The following ZNF609 variants were observed in gnomAD, a reference collection of about 807,000 sequenced individuals.
ZNF609 encodes the protein zinc finger protein 609.
Under a neutral mutation model 109.5 loss-of-function variants are expected in ZNF609, and 11 were observed. The ratio of observed to expected loss-of-function variants is 0.10; its 90% CI spans 0.06 to 0.17. ZNF609 has a LOEUF of 0.17. Ranked by LOEUF, ZNF609 falls within the 10% of genes least tolerant of loss-of-function variation. The pLI is 1.00. For synonymous variants in ZNF609, 646 were observed against 662.0 expected (o/e 0.98, Z 0.37); for missense variants, 1,559 against 1,772.4 (o/e 0.88, Z 2.16).
chr15:64,495,233 A>G (rs1477813552), intron 1 of ZNF609, among the ~76,000 whole-genome samples: 4 of 152,240 alleles, frequency 2.6e-5, no homozygotes, highest in African/African-American at 9.6e-5. Context: ...GAGGTACATT[A>G]TCAAAGTACT....
intron 2 of ZNF609, among the ~76,000 whole-genome samples, chr15:64,595,068 A>G (rs1166541031): frequency 6.6e-6 from 1 of 150,832 alleles, no homozygotes; most frequent in Non-Finnish European, 1.5e-5. Context: ...CTGTGAGTTT[A>G]TAAAATTTGG....
At chr15:64,677,329 C>G (rs1896822776) in intron 5 of ZNF609, among the ~76,000 whole-genome samples, 1 of 152,194 alleles carries the variant, frequency 6.6e-6, no homozygotes, top group Admixed American at 6.5e-5. Flanking sequence ...TCCCAAAGCA[C>G]AGGGATTCAT....
At chr15:64,580,539 T>TTCTTC (rs1567020382) in intron 2 of ZNF609, among the ~76,000 whole-genome samples, 1 of 68,920 alleles carries the variant, frequency 1.5e-5, no homozygotes, top group Non-Finnish European at 3.9e-5. Context: ...CTCAGTTCTT[T>TTCTTC]TCTTTTCTTT....
rs1336512746 is a variant in ZNF609, at chr15:64,682,447, G to A, written c.*761G>A. 1 of 152,728 alleles carries A rather than the reference G, an allele frequency of 6.5e-6. No homozygotes were observed. Among genetic ancestry groups the A allele is most frequent in the Non-Finnish European group, 1.5e-5 (1 of 68,078 alleles). The allele number at this position is 152,728 out of a possible 1,614,324, so 9.5% of individuals were successfully genotyped here. A position where few individuals can be genotyped will look rare whatever the true frequency, so the allele number is the denominator to read the frequency against. On this transcript the variant is annotated 3_prime_UTR_variant, in exon 10 of 10. Coordinates refer to ENST00000326648, the MANE Select transcript of ZNF609 (RefSeq NM_015042.2). The stretch of plus-strand genomic sequence containing the variant: ...CCCCAGGGACACTGGGAGCAAGCTG[G>A]TGCTGGAGCATGAATGACGTCTGTG...
intron 1 of ZNF609, among the ~76,000 whole-genome samples, chr15:64,489,726 C>A (rs1363699862): frequency 6.6e-6 from 1 of 151,546 alleles, no homozygotes; most frequent in East Asian, 2.0e-4. Flanking sequence ...GACAGTTTCC[C>A]CATGTTGGCT....
chr15:64,670,441 C>G lies in ZNF609; in HGVS notation c.1061+8C>G, dbSNP rs1289694669. On this transcript the variant is annotated splice_region_variant and intron_variant, in intron 4 of 9. Transcript: ENST00000326648. Reference sequence around the variant, plus strand: ...TGATTGGGCACCCCCAAGGTAAGCACTTACAGCTATTTAGTTTATATTATT... The same window carrying G: ...TGATTGGGCACCCCCAAGGTAAGCAGTTACAGCTATTTAGTTTATATTATT... 6.2e-7 allele frequency: 1 copy of G among 1,611,024 alleles called. No individual in the cohort carries two copies. The highest frequency in any genetic ancestry group is 8.5e-7 in the Non-Finnish European group (1 of 1,177,106).
At chr15:64,646,816 T>TACTCGGGA (rs1896342451) in intron 3 of ZNF609, among the ~76,000 whole-genome samples, 2 of 151,028 alleles carry the variant, frequency 1.3e-5, no homozygotes, top group South Asian at 4.2e-4. Flanking sequence ...GGCGCATGCC[T>TACTCGGGA]GTAGTACCAG....
At chr15:64,523,585 G>A (rs1050056556) in intron 2 of ZNF609, among the ~76,000 whole-genome samples, 2 of 151,974 alleles carry the variant, frequency 1.3e-5, no homozygotes, top group Non-Finnish European at 1.5e-5. Flanking sequence ...GGCCAACATC[G>A]TGAAACCCTG....
At chr15:64,557,116 G>A (rs1284315290) in intron 2 of ZNF609, among the ~76,000 whole-genome samples, 1 of 151,766 alleles carries the variant, frequency 6.6e-6, no homozygotes, top group Admixed American at 6.6e-5. Flanking sequence ...GATTTGGTAT[G>A]TCACATATTA....
At position 64,683,834 on chromosome 15, in the gene ZNF609, C is replaced by G. The variant is rs2083225650; in HGVS notation, c.*2148C>G. 1 of 152,186 alleles carries G rather than the reference C, an allele frequency of 6.6e-6. No homozygotes were observed. The highest frequency in any genetic ancestry group is 2.4e-5 in the African/African-American group (1 of 41,440). 9.4% of individuals were successfully genotyped at this position (152,186 alleles called of 1,614,324 possible). Reference sequence around the variant, plus strand: ...ATACTCTGTATATATTGTAAAGAAACCGTTAGGAGTAATTTTCTTTTGCAT... The same window carrying G: ...ATACTCTGTATATATTGTAAAGAAAGCGTTAGGAGTAATTTTCTTTTGCAT... On this transcript the variant is annotated 3_prime_UTR_variant, in exon 10 of 10. Transcript: ENST00000326648.
At chr15:64,498,109 G>T (rs1893510002) in intron 1 of ZNF609, among the ~76,000 whole-genome samples, 1 of 152,008 alleles carries the variant, frequency 6.6e-6, no homozygotes, top group South Asian at 2.1e-4. Flanking sequence ...GAGTGCAGTG[G>T]TGTGATTTCA....
intron 3 of ZNF609, among the ~76,000 whole-genome samples, chr15:64,637,536 A>G (rs1303662143): frequency 6.6e-6 from 1 of 152,174 alleles, no homozygotes; most frequent in Non-Finnish European, 1.5e-5. Context: ...TCTGTGTTCT[A>G]GCCAACACTT....
At chr15:64,525,742 C>T (rs897667491) in intron 2 of ZNF609, among the ~76,000 whole-genome samples, 1 of 151,932 alleles carries the variant, frequency 6.6e-6, no homozygotes, top group Non-Finnish European at 1.5e-5. Flanking sequence ...TCTTTAATTT[C>T]CATCAATGAT....
In ZNF609 at chr15:64,520,459, T is replaced by G. The variant is rs1893876414; in HGVS notation, c.747+20293T>G. Among the ~76,000 whole-genome samples the G allele has an allele frequency of 3.9e-5, 6 of 152,294 alleles. No individual in the cohort carries two copies. The South Asian group carries it at 1.0e-3, about 26-fold the overall frequency. On this transcript the variant is annotated intron_variant, in intron 2 of 9. Transcript: ENST00000326648. ...TTATGAAAATGCAGAGTTGTACATA[T>G]ATGATATATGTAGTTTTCTGTTGTG... is the stretch of plus-strand genomic sequence containing the variant.
chr15:64,669,972 A>C (rs898015533), intron 3 of ZNF609, among the ~76,000 whole-genome samples: 4 of 152,122 alleles, frequency 2.6e-5, no homozygotes, highest in African/African-American at 9.7e-5. Flanking sequence ...CCGGCCAAAA[A>C]AAAATTTTTT....
chr15:64,462,938 T>C (rs1430398400), intron 1 of ZNF609, among the ~76,000 whole-genome samples: 1 of 152,178 alleles, frequency 6.6e-6, no homozygotes, highest in Non-Finnish European at 1.5e-5. Flanking sequence ...TCAAATAATA[T>C]TTATGTACTA....
chr15:64,568,125 GT>G (rs1894806491), intron 2 of ZNF609, among the ~76,000 whole-genome samples: 2 of 152,060 alleles, frequency 1.3e-5, no homozygotes, highest in Non-Finnish European at 2.9e-5. Flanking sequence ...CAGTTTGGAG[GT>G]TTTAAACATT....
intron 1 of ZNF609, among the ~76,000 whole-genome samples, chr15:64,487,927 C>T (rs970977245): frequency 6.6e-6 from 1 of 152,178 alleles, no homozygotes; most frequent in African/African-American, 2.4e-5. Context: ...AACCACCGCA[C>T]CCAGCCAATT....
chr15:64,486,321 C>T (rs957193910), intron 1 of ZNF609, among the ~76,000 whole-genome samples: 6 of 152,024 alleles, frequency 3.9e-5, no homozygotes, highest in Admixed American at 2.0e-4. Context: ...GTCAGGAGTT[C>T]GAGACAAGCC....
Sources: allele counts gnomAD v4.1 joint callset (sites outside exome capture counted in the v4.1 genomes callset), GRCh38; gene constraint gnomAD v4.1.1; transcripts MANE v1.5; gene names NCBI Gene and HGNC (gene_info 2026-07-23, HGNC 2026-07-21).